The following MARCHF1 variants were observed in gnomAD, a reference collection of about 807,000 sequenced individuals.
The protein encoded by MARCHF1 is membrane associated ring-CH-type finger 1.
A neutral mutation model predicts 54.2 loss-of-function variants in MARCHF1; 40 were observed. The observed-to-expected ratio is 0.74, with a 90% CI of 0.57 to 0.96. MARCHF1 has a LOEUF of 0.96. Ranked by LOEUF, MARCHF1 falls within the 40% of genes least tolerant of loss-of-function variation. The pLI is 0.00. For missense variants in MARCHF1, 586 were observed against 656.5 expected (o/e 0.89, Z 1.17); for synonymous variants, 236 against 236.3 (o/e 1.00, Z 0.01).
At chr4:163,672,975 C>T (rs1743787195) in intron 5 of MARCHF1, among the ~76,000 whole-genome samples, 1 of 152,176 alleles carries the variant, frequency 6.6e-6, no homozygotes, top group Non-Finnish European at 1.5e-5. Flanking sequence ...CCTGCCCCTC[C>T]ACTGCCCTCC....
At chr4:164,009,027 G>T (rs1042409738) in intron 2 of MARCHF1, among the ~76,000 whole-genome samples, 1 of 151,832 alleles carries the variant, frequency 6.6e-6, no homozygotes, top group Non-Finnish European at 1.5e-5. Flanking sequence ...CATAAACACG[G>T]TGTTTGGAAA....
chr4:164,337,321 A>G (rs906702877), intron 1 of MARCHF1, among the ~76,000 whole-genome samples: 7 of 152,182 alleles, frequency 4.6e-5, no homozygotes. Context: ...GCATTTAAAA[A>G]AGCTAAAAAA....
intron 3 of MARCHF1, among the ~76,000 whole-genome samples, chr4:163,873,213 GT>G (rs1317648920): frequency 6.6e-6 from 1 of 152,212 alleles, no homozygotes; most frequent in Non-Finnish European, 1.5e-5. Flanking sequence ...AGCCTAAGTA[GT>G]TTCCCTTTAA....
intron 8 of MARCHF1, among the ~76,000 whole-genome samples, chr4:163,563,297 A>G (rs1416118978): frequency 6.6e-6 from 1 of 152,240 alleles, no homozygotes; most frequent in Non-Finnish European, 1.5e-5. Flanking sequence ...TATTTAGATA[A>G]GAAAGGGGTG....
intron 2 of MARCHF1, among the ~76,000 whole-genome samples, chr4:164,100,681 C>T (rs1485561942): frequency 1.3e-5 from 2 of 152,174 alleles, no homozygotes; most frequent in African/African-American, 4.8e-5. Context: ...AGTTGTCTCC[C>T]CTAAAACTCC....
At chr4:163,545,970 T>TGC (rs1440730696) in intron 8 of MARCHF1, among the ~76,000 whole-genome samples, 3 of 151,940 alleles carry the variant, frequency 2.0e-5, no homozygotes, top group African/African-American at 7.3e-5. Flanking sequence ...TGTGTGTGTG[T>TGC]GTGTGTGTGT....
chr4:163,703,882 T>C (rs1744875937), intron 4 of MARCHF1, among the ~76,000 whole-genome samples: 1 of 149,124 alleles, frequency 6.7e-6, no homozygotes, highest in Admixed American at 6.7e-5. Flanking sequence ...TGGATTCTTT[T>C]TACTAGCAAG....
intron 9 of MARCHF1, among the ~76,000 whole-genome samples, chr4:163,543,468 A>T (rs1317561032): frequency 6.6e-6 from 1 of 151,498 alleles, no homozygotes; most frequent in Non-Finnish European, 1.5e-5. Context: ...GTGGTAGGGG[A>T]TTATGCATTG....
intron 3 of MARCHF1, among the ~76,000 whole-genome samples, chr4:163,982,608 T>C (rs923964485): frequency 2.6e-5 from 4 of 152,254 alleles, no homozygotes; most frequent in African/African-American, 7.2e-5. Flanking sequence ...AATCACTTCA[T>C]TGGAAAATTG....
intron 3 of MARCHF1, chr4:163,932,580 A>G (rs1345472044): frequency 7.9e-6 from 3 of 378,560 alleles, no homozygotes; most frequent in South Asian, 4.3e-5. Context: ...CTATGATGAC[A>G]TGGGTACCTG....
At chr4:163,857,838 C>A (rs1749809479) in intron 3 of MARCHF1, among the ~76,000 whole-genome samples, 1 of 151,984 alleles carries the variant, frequency 6.6e-6, no homozygotes, top group Non-Finnish European at 1.5e-5. Flanking sequence ...AGAGAAAAGA[C>A]CCAGAGCTTA....
intron 3 of MARCHF1, among the ~76,000 whole-genome samples, chr4:163,896,507 T>C (rs903583953): frequency 6.6e-6 from 1 of 152,164 alleles, no homozygotes; most frequent in Admixed American, 6.6e-5. Flanking sequence ...TGAAATTCCT[T>C]TCTTTCATAG....
At chr4:163,665,815 C>T (rs1743512810) in intron 5 of MARCHF1, among the ~76,000 whole-genome samples, 1 of 152,088 alleles carries the variant, frequency 6.6e-6, no homozygotes, top group African/African-American at 2.4e-5. Flanking sequence ...TGTCTAAAAA[C>T]ATATTAAATT....
chr4:164,344,665 A>C (rs545913545), intron 1 of MARCHF1, among the ~76,000 whole-genome samples: 6 of 152,306 alleles, frequency 3.9e-5, no homozygotes, highest in Admixed American at 3.9e-4. Flanking sequence ...TCCTTAAAGG[A>C]CTAGCATTCA....
At chr4:163,965,629 T>A (rs1309896093) in intron 3 of MARCHF1, among the ~76,000 whole-genome samples, 1 of 152,058 alleles carries the variant, frequency 6.6e-6, no homozygotes, top group Non-Finnish European at 1.5e-5. Context: ...CATGACATTT[T>A]AATCAAAATA....
At chr4:163,798,746 T>C (rs558536079) in intron 4 of MARCHF1, among the ~76,000 whole-genome samples, 84 of 150,872 alleles carry the variant, frequency 5.6e-4, no homozygotes, top group African/African-American at 1.9e-3. Context: ...AGAAAAAGAG[T>C]GACAGCAAGG....
At chr4:163,543,388 T>G (rs1738787548) in intron 9 of MARCHF1, among the ~76,000 whole-genome samples, 1 of 150,532 alleles carries the variant, frequency 6.6e-6, no homozygotes, top group East Asian at 1.9e-4. Flanking sequence ...GAGATCAGAG[T>G]GAAAGCTGTG....
chr4:163,701,838 G>GTT (rs34195170), intron 4 of MARCHF1, among the ~76,000 whole-genome samples: 16 of 150,050 alleles, frequency 1.1e-4, no homozygotes, highest in Non-Finnish European at 1.5e-4. Context: ...AATTCCTTTT[G>GTT]TTTTTTTTTT....
chr4:163,914,753 G>A (rs1028041545), intron 3 of MARCHF1, among the ~76,000 whole-genome samples: 4 of 152,046 alleles, frequency 2.6e-5, no homozygotes, highest in Non-Finnish European at 5.9e-5. Flanking sequence ...TAAAGCTCAC[G>A]TGAAAAACAA....
Sources: gnomAD v4.1 joint callset for allele counts (sites outside exome capture counted in the v4.1 genomes callset) on GRCh38, gnomAD v4.1.1 for gene constraint, MANE v1.5 for transcripts, NCBI Gene and HGNC (gene_info 2026-07-23, HGNC 2026-07-21) for gene names.